Variants in ENPP3 observed in about 807,000 individuals in gnomAD.
ENPP3 encodes ectonucleotide pyrophosphatase/phosphodiesterase 3, also known as ectonucleotide pyrophosphatase/phosphodiesterase family member 3.
Under a neutral mutation model 117.8 loss-of-function variants are expected in ENPP3, and 104 were observed. The ratio of observed to expected loss-of-function variants is 0.88; its 90% CI spans 0.75 to 1.04. The LOEUF is 1.04. Among genes scored for constraint, ENPP3 ranks in the 50% least tolerant of loss-of-function variants. ENPP3 has a pLI of 0.00. For missense variants in ENPP3, 1,026 were observed against 1,051.9 expected, an observed-to-expected ratio of 0.98 and a Z score of 0.34; for synonymous variants, 380 against 349.9, an observed-to-expected ratio of 1.09 and a Z score of -0.96.
intron 7 of ENPP3, among the ~76,000 whole-genome samples, chr6:131,671,849 T>C (rs1486225328): frequency 6.6e-6 from 1 of 152,164 alleles, no homozygotes; most frequent in Admixed American, 6.5e-5. Flanking sequence ...AAGATGTAGG[T>C]AGAATGATTA....
intron 11 of ENPP3, among the ~76,000 whole-genome samples, chr6:131,680,074 G>A (rs776555728): frequency 6.6e-6 from 1 of 152,182 alleles, no homozygotes; most frequent in Non-Finnish European, 1.5e-5. Flanking sequence ...AGATCTATGT[G>A]TATTTAGAGA....
At chr6:131,658,180 A>C in intron 5 of ENPP3, 143 bp from the exon 6 acceptor site, 1 of 607,880 alleles carries the variant, frequency 1.6e-6, no homozygotes, top group Non-Finnish European at 2.9e-6. Context: ...AAATTAAAAA[A>C]ATAAAAAATG....
At chr6:131,737,164 T>G (rs1780414205) in intron 21 of ENPP3, among the ~76,000 whole-genome samples, 191 bp from the exon 22 acceptor site, 1 of 152,232 alleles carries the variant, frequency 6.6e-6, no homozygotes, top group South Asian at 2.1e-4. Context: ...GATGTATCTT[T>G]TTTGGATCAC....
At chr6:131,643,773 G>A (rs1208508564) in intron 2 of ENPP3, among the ~76,000 whole-genome samples, 5 of 152,164 alleles carry the variant, frequency 3.3e-5, no homozygotes, top group Non-Finnish European at 7.3e-5. Flanking sequence ...TACTGGAGAT[G>A]AAGTGGTGAA....
chr6:131,713,371 G>A (rs1188913144), intron 15 of ENPP3, among the ~76,000 whole-genome samples: 1 of 150,516 alleles, frequency 6.6e-6, no homozygotes, highest in Non-Finnish European at 1.5e-5. Context: ...TTTTATGGTG[G>A]GAGGGTGAAT....
intron 9 of ENPP3, 75 bp downstream of exon 9, chr6:131,675,264 C>T: frequency 7.0e-6 from 7 of 1,003,402 alleles, no homozygotes; most frequent in Non-Finnish European, 1.1e-5. Context: ...ATCTTGGTGG[C>T]AATTCTATTA....
rs1043121647 is a variant in ENPP3 at position 131,674,016 on chromosome 6, A to G, written c.643-146A>G. 6 of 556,440 alleles carry G rather than the reference A, an allele frequency of 1.1e-5. No individual in the cohort carries two copies. In the African/African-American group the frequency reaches 1.1e-4, roughly 11 times the overall value. The allele number at this position is 556,440 out of a possible 1,614,324, so 34.5% of individuals were successfully genotyped here. On this transcript the variant is annotated intron_variant, in intron 7 of 24. Coordinates refer to ENST00000357639, the MANE Select transcript of ENPP3 (RefSeq NM_005021.5). ...AGCCAAGGGATGACAATATCTCCTG[A>G]TATGTAAGTTCAGGTCCAGGTGTTT...
At chr6:131,691,354 C>A (rs1370447263) in intron 14 of ENPP3, among the ~76,000 whole-genome samples, 11 of 151,988 alleles carry the variant, frequency 7.2e-5, no homozygotes, top group Admixed American at 7.2e-4. Context: ...TTTGGGAGGC[C>A]GAGGCGGGCG....
Position 131,652,650 on chromosome 6 carries a change from A to G in ENPP3, c.386A>G (p.Tyr129Cys), listed in dbSNP as rs373056439. 3.5e-5 allele frequency: 57 copies of G among 1,613,946 alleles called. No individual in the cohort carries two copies. The highest frequency in any genetic ancestry group is 1.6e-4 in the Middle Eastern group (1 of 6,084). Residue 129 changes from tyrosine to cysteine, a missense_variant, in exon 4 of 25, where the codon TAT becomes TGT. Coordinates refer to ENST00000357639, the MANE Select transcript of ENPP3 (RefSeq NM_005021.5). ...CLQRKDCCAD[Y>C]KSVCQGETSW... ...CAGAGGAAAGATTGCTGTGCTGACTATAAGAGTGTTTGCCAAGGTGAGCAG... is the reference window on the plus strand; with the variant it reads ...CAGAGGAAAGATTGCTGTGCTGACTGTAAGAGTGTTTGCCAAGGTGAGCAG...
At chr6:131,727,471 C>T (rs971450413) in intron 20 of ENPP3, among the ~76,000 whole-genome samples, 3 of 144,276 alleles carry the variant, frequency 2.1e-5, no homozygotes, top group Non-Finnish European at 4.5e-5. Context: ...AGGAGAATCG[C>T]TTGAACCCGG....
intron 21 of ENPP3, among the ~76,000 whole-genome samples, chr6:131,734,107 C>T (rs541305954): frequency 1.3e-5 from 2 of 152,050 alleles, no homozygotes; most frequent in East Asian, 1.9e-4. Flanking sequence ...GCTGGGTGCT[C>T]GCTTTGGCAG....
chr6:131,722,097 A>G, intron 17 of ENPP3, 130 bp from the exon 18 acceptor site: 1 of 646,558 alleles, frequency 1.5e-6, no homozygotes, highest in Non-Finnish European at 2.7e-6. Flanking sequence ...CATATAGAGT[A>G]CATAGCTTCG....
chr6:131,642,602 T>C (rs1778076264), intron 2 of ENPP3, among the ~76,000 whole-genome samples: 1 of 152,192 alleles, frequency 6.6e-6, no homozygotes, highest in African/African-American at 2.4e-5. Flanking sequence ...AGACAAGGTC[T>C]CACTTTGTTG....
At chr6:131,743,010 TATAG>T (rs1254360430) in intron 24 of ENPP3, among the ~76,000 whole-genome samples, 4 of 152,166 alleles carry the variant, frequency 2.6e-5, no homozygotes, top group Non-Finnish European at 5.9e-5. Flanking sequence ...GTGACATCTG[TATAG>T]ATAATTATTA....
intron 6 of ENPP3, 48 bp from the exon 7 acceptor site, chr6:131,671,200 A>T (rs921219224): frequency 9.3e-7 from 1 of 1,072,952 alleles, no homozygotes; most frequent in Non-Finnish European, 1.4e-6. Flanking sequence ...TTATCCAAAA[A>T]ACTGAAGAAG....
intron 20 of ENPP3, among the ~76,000 whole-genome samples, chr6:131,730,913 T>G (rs552140409): frequency 9.1e-6 from 1 of 109,652 alleles, no homozygotes; most frequent in South Asian, 2.9e-4. Context: ...AGACTCCATC[T>G]CAAAAAAAAA....
At chr6:131,695,923 A>T (rs1779395151) in intron 15 of ENPP3, among the ~76,000 whole-genome samples, 1 of 151,322 alleles carries the variant, frequency 6.6e-6, no homozygotes, top group African/African-American at 2.4e-5. Flanking sequence ...CTCAAAAAAA[A>T]AAGAGAATCT....
chr6:131,734,444 A>G (rs1217012133), intron 21 of ENPP3, among the ~76,000 whole-genome samples: 1 of 152,200 alleles, frequency 6.6e-6, no homozygotes, highest in East Asian at 1.9e-4. Context: ...TTTGTAATTT[A>G]AAGATTCCGA....
At chr6:131,676,860 A>AT in intron 10 of ENPP3, 59 bp downstream of exon 10, 13 of 1,138,588 alleles carry the variant, frequency 1.1e-5, no homozygotes, top group Non-Finnish European at 1.4e-5. Flanking sequence ...TAAAAAATGA[A>AT]GTTTTTTTTT....
Sources: allele counts gnomAD v4.1 joint callset (sites outside exome capture counted in the v4.1 genomes callset), GRCh38; gene constraint gnomAD v4.1.1; transcripts MANE v1.5; gene names NCBI Gene and HGNC (gene_info 2026-07-23, HGNC 2026-07-21).